Variants in TNKS2 observed in about 807,000 individuals in gnomAD.
The protein encoded by TNKS2 is tankyrase 2, also known as poly [ADP-ribose] polymerase tankyrase-2.
Under a neutral mutation model 137.6 loss-of-function variants are expected in TNKS2, and 72 were observed. The observed-to-expected ratio is 0.52, with a 90% CI of 0.43 to 0.64. The LOEUF (loss-of-function observed/expected upper bound fraction) is 0.64, where lower values mean the gene tolerates loss of function less well. Ranked by LOEUF, TNKS2 falls within the 30% of genes least tolerant of loss-of-function variation. TNKS2 has a pLI of 0.00. For missense variants in TNKS2, 1,049 were observed against 1,410.2 expected (o/e 0.74, Z 4.10); for synonymous variants, 516 against 512.1 (o/e 1.01, Z -0.10).
At chr10:91,845,494 A>G (rs376740785) in intron 17 of TNKS2, among the ~76,000 whole-genome samples, 5 of 152,252 alleles carry the variant, frequency 3.3e-5, no homozygotes, top group African/African-American at 4.8e-5. Flanking sequence ...ATTAGAAATT[A>G]TTGAAGTCAT....
chr10:91,855,366 TTAG>T (rs1382639813), intron 22 of TNKS2, among the ~76,000 whole-genome samples: 1 of 152,138 alleles, frequency 6.6e-6, no homozygotes, highest in African/African-American at 2.4e-5. Flanking sequence ...TGTTTTTGTT[TTAG>T]TAGAGATGGG....
chr10:91,821,038 A>T (rs573507801), intron 6 of TNKS2, among the ~76,000 whole-genome samples: 5 of 151,790 alleles, frequency 3.3e-5, no homozygotes, highest in African/African-American at 1.2e-4. Context: ...TGTATTTTTT[A>T]TTTTATTTTA....
intron 16 of TNKS2, among the ~76,000 whole-genome samples, chr10:91,843,350 CTCTT>C (rs1224711824): frequency 7.2e-5 from 11 of 152,296 alleles, no homozygotes; most frequent in African/African-American, 2.6e-4. Context: ...AACATGGTGT[CTCTT>C]TCTATATGTC....
At chr10:91,807,995 C>CAA (rs35736923) in intron 1 of TNKS2, among the ~76,000 whole-genome samples, 1 of 118,576 alleles carries the variant, frequency 8.4e-6, no homozygotes, top group Non-Finnish European at 1.7e-5. Flanking sequence ...GACTCTGTCT[C>CAA]AAAAAAAAAA....
chr10:91,844,359 T>C (rs2133658904), intron 16 of TNKS2, among the ~76,000 whole-genome samples: 1 of 152,354 alleles, frequency 6.6e-6, no homozygotes, highest in Non-Finnish European at 1.5e-5. Flanking sequence ...GAAATAAGTT[T>C]TATTTCATGG....
chr10:91,841,566 T>A, intron 15 of TNKS2, 118 bp downstream of exon 15: 1 of 635,810 alleles, frequency 1.6e-6, no homozygotes, highest in South Asian at 4.7e-5. Flanking sequence ...GTTACCTAAT[T>A]CTGTACCTAG....
chr10:91,827,862 C>A (rs1308399080), intron 8 of TNKS2, among the ~76,000 whole-genome samples: 1 of 152,088 alleles, frequency 6.6e-6, no homozygotes, highest in African/African-American at 2.4e-5. Context: ...TTCCCAGTTC[C>A]CTGATGGTTT....
Position 91,862,115 on chromosome 10 carries a change from G to A in TNKS2, c.3398G>A (p.Gly1133Asp). The A allele has an allele frequency of 6.2e-7, 1 of 1,611,456 alleles. No individual in the cohort carries two copies. Among genetic ancestry groups the A allele is most frequent in the Non-Finnish European group, 8.5e-7 (1 of 1,178,718 alleles). Residue 1133 changes from glycine (G) to aspartate (D), a missense_variant, in exon 26 of 27, where the codon GGC becomes GAC. Transcript: ENST00000371627. ...HSVTGRPSVN[G>D]LALAEYVIYR... ...GTCACTGGTAGGCCCAGTGTAAATGGCCTAGCATTAGCTGAATATGTTATT... is the reference window on the plus strand; with the variant it reads ...GTCACTGGTAGGCCCAGTGTAAATGACCTAGCATTAGCTGAATATGTTATT...
intron 20 of TNKS2, among the ~76,000 whole-genome samples, 179 bp from the exon 21 acceptor site, chr10:91,851,036 GC>G (rs1489864907): frequency 6.6e-6 from 1 of 152,178 alleles, no homozygotes; most frequent in African/African-American, 2.4e-5. Context: ...ATTTGAAAGT[GC>G]CTTTTTGTTT....
chr10:91,834,353 C>T lies in TNKS2; in HGVS notation c.1447+329C>T, dbSNP rs182531884. ...AAGGAATTTTTAGATCCTACATATT[C>T]AAGGCAGGTAGAATTTGTATAAGGT... On this transcript the variant is annotated intron_variant, in intron 12 of 26. Transcript: ENST00000371627. 2.6e-5 allele frequency among the ~76,000 whole-genome samples: 4 copies of T among 152,290 alleles called. No individual in the cohort carries two copies. The East Asian group carries it at 7.7e-4, about 29-fold the overall frequency.
intron 17 of TNKS2, 25 bp from the exon 18 acceptor site, chr10:91,845,727 C>A: frequency 7.0e-7 from 1 of 1,434,912 alleles, no homozygotes; most frequent in Non-Finnish European, 9.3e-7. Flanking sequence ...ATATTTCAGA[C>A]TGTAACGGGT....
At chr10:91,809,378 T>C (rs1417593324) in intron 1 of TNKS2, among the ~76,000 whole-genome samples, 6 of 152,168 alleles carry the variant, frequency 3.9e-5, no homozygotes, top group Non-Finnish European at 7.4e-5. Flanking sequence ...TTAGCCCTTA[T>C]CATCTGGGCT....
chr10:91,841,537 G>A, intron 15 of TNKS2, 89 bp downstream of exon 15: 1 of 1,003,638 alleles, frequency 1.0e-6, no homozygotes, highest in Non-Finnish European at 1.4e-6. Context: ...AGTTAAACTA[G>A]TAAGCAATGG....
intron 13 of TNKS2, among the ~76,000 whole-genome samples, chr10:91,839,607 T>C (rs1469317730): frequency 6.6e-6 from 1 of 152,206 alleles, no homozygotes; most frequent in East Asian, 1.9e-4. Context: ...ATCAGCATTC[T>C]ATTAGTTATT....
In TNKS2 at chr10:91,845,168, A is replaced by G. The variant is rs78406520; in HGVS notation, c.2169+140A>G. On this transcript the variant is annotated intron_variant, in intron 17 of 26. Coordinates refer to ENST00000371627, the MANE Select transcript of TNKS2 (RefSeq NM_025235.4). ...GAGCTAAAGAAGTTAAATAACTTCC[A>G]AATTTCGGTTCTGAATCTGTTCTAA... 1.8e-3 allele frequency: 1,196 copies of G among 666,726 alleles called. 10 individuals carry two copies. The highest frequency in any genetic ancestry group is 0.017 in the African/African-American group (940 of 54,622). The allele number at this position is 666,726 out of a possible 1,614,324, so 41.3% of individuals were successfully genotyped here.
At chr10:91,823,413 C>T (rs2421699) in intron 7 of TNKS2, among the ~76,000 whole-genome samples, 99,727 of 143,352 alleles carry the variant, frequency 0.7, 35,939 homozygotes, top group East Asian at 0.91. Flanking sequence ...CTGCAAGCTC[C>T]GCCTCCTGGG....
chr10:91,859,741 G>A, intron 25 of TNKS2, 93 bp downstream of exon 25: 3 of 1,002,810 alleles, frequency 3.0e-6, no homozygotes, highest in African/African-American at 1.6e-5. Context: ...GACAGTCTTA[G>A]GAATGCAAGC....
chr10:91,805,983 A>G (rs776928667), intron 1 of TNKS2, among the ~76,000 whole-genome samples: 3 of 151,908 alleles, frequency 2.0e-5, no homozygotes, highest in Non-Finnish European at 4.4e-5. Context: ...TAATGACAGC[A>G]AGAGCTGACC....
chr10:91,802,591 TTCCTCCAA>T, intron 1 of TNKS2, among the ~76,000 whole-genome samples: 1 of 152,240 alleles, frequency 6.6e-6, no homozygotes, highest in Non-Finnish European at 1.5e-5. Flanking sequence ...AGTGGGATGA[TTCCTCCAA>T]TTGAAGGCTT....
Sources: gnomAD v4.1 joint callset for allele counts (sites outside exome capture counted in the v4.1 genomes callset) on GRCh38, gnomAD v4.1.1 for gene constraint, MANE v1.5 for transcripts, NCBI Gene and HGNC (gene_info 2026-07-23, HGNC 2026-07-21) for gene names.